Variants in ZNF521 observed in about 807,000 individuals in gnomAD.
ZNF521 encodes zinc finger protein 521.
In ZNF521, 14 loss-of-function variants were observed where a neutral mutation model predicts 105.5. The observed-to-expected ratio is 0.13, with a 90% CI of 0.09 to 0.21. The LOEUF (loss-of-function observed/expected upper bound fraction) is 0.21, where lower values mean the gene tolerates loss of function less well. Ranked by LOEUF, ZNF521 falls within the 10% of genes least tolerant of loss-of-function variation. The pLI is 1.00. For synonymous variants in ZNF521, 635 were observed against 606.0 expected, an observed-to-expected ratio of 1.05 and a Z score of -0.70; for missense variants, 1,233 against 1,629.7, an observed-to-expected ratio of 0.76 and a Z score of 4.19.
chr18:25,184,680 A>C (rs185186950), intron 5 of ZNF521, among the ~76,000 whole-genome samples: 147 of 152,320 alleles, frequency 9.7e-4, no homozygotes, highest in African/African-American at 3.2e-3. Flanking sequence ...CCAGTTTTAA[A>C]AGACTTGATA....
intron 3 of ZNF521, among the ~76,000 whole-genome samples, chr18:25,237,999 CA>C (rs1349432200): frequency 6.6e-6 from 1 of 152,074 alleles, no homozygotes; most frequent in East Asian, 1.9e-4. Context: ...TACAGATGAA[CA>C]AATAGGTCAA....
At chr18:25,156,959 G>A (rs1432584677) in intron 5 of ZNF521, among the ~76,000 whole-genome samples, 1 of 152,134 alleles carries the variant, frequency 6.6e-6, no homozygotes, top group Non-Finnish European at 1.5e-5. Flanking sequence ...AGAACTTTAA[G>A]AGGCCGAGGC....
chr18:25,171,633 T>G (rs1436619448), intron 5 of ZNF521, among the ~76,000 whole-genome samples: 1 of 152,260 alleles, frequency 6.6e-6, no homozygotes, highest in South Asian at 2.1e-4. Context: ...ACTACTGTGC[T>G]TCTGTCTACT....
At chr18:25,068,726 T>C (rs901774459) in intron 7 of ZNF521, among the ~76,000 whole-genome samples, 1 of 152,170 alleles carries the variant, frequency 6.6e-6, no homozygotes, top group Admixed American at 6.5e-5. Flanking sequence ...GAGGCATCCC[T>C]GTAGTGGGCA....
intron 2 of ZNF521, among the ~76,000 whole-genome samples, chr18:25,340,498 T>C (rs1010654887): frequency 3.3e-5 from 5 of 152,226 alleles, no homozygotes; most frequent in African/African-American, 1.2e-4. Context: ...AAACTGCGTT[T>C]GGAAATTTTT....
At position 25,137,891 on chromosome 18, in the gene ZNF521, C is replaced by T. The variant is rs75689168; in HGVS notation, c.3659-45810G>A. 1.6e-4 allele frequency among the ~76,000 whole-genome samples: 24 copies of T among 152,274 alleles called. No homozygotes were observed. The East Asian group carries it at 4.6e-3, about 29-fold the overall frequency. ...AATCCTAAGGCCACCGTTCTTTATG[C>T]AGCACTGTTTTACTAAAAGCAAAAA... On this transcript the variant is annotated intron_variant, in intron 5 of 7. Coordinates refer to ENST00000361524, the MANE Select transcript of ZNF521 (RefSeq NM_015461.3).
chr18:25,155,713 AAAAT>A (rs2035130495), intron 5 of ZNF521, among the ~76,000 whole-genome samples: 4 of 152,276 alleles, frequency 2.6e-5, no homozygotes, highest in Non-Finnish European at 5.9e-5. Flanking sequence ...GTCCTTGTCC[AAAAT>A]TAGTTGTCCA....
chr18:25,194,384 G>A (rs545577691), intron 5 of ZNF521, among the ~76,000 whole-genome samples: 2 of 151,726 alleles, frequency 1.3e-5, no homozygotes, highest in Non-Finnish European at 3.0e-5. Flanking sequence ...AAGTTTAACT[G>A]GCTGGTAAAA....
At chr18:25,241,283 T>TA (rs1907313286) in intron 3 of ZNF521, among the ~76,000 whole-genome samples, 1 of 152,178 alleles carries the variant, frequency 6.6e-6, no homozygotes, top group Non-Finnish European at 1.5e-5. Flanking sequence ...GTCAAGGCAT[T>TA]AAAGACACGA....
At chr18:25,110,771 T>C (rs2034172578) in intron 5 of ZNF521, among the ~76,000 whole-genome samples, 1 of 151,566 alleles carries the variant, frequency 6.6e-6, no homozygotes, top group Admixed American at 6.6e-5. Context: ...TCCCCCTCCT[T>C]TTTTTTTGAG....
At chr18:25,287,445 T>C (rs1910771800) in intron 3 of ZNF521, among the ~76,000 whole-genome samples, 2 of 152,180 alleles carry the variant, frequency 1.3e-5, no homozygotes, top group African/African-American at 4.8e-5. Context: ...ATAAAAAACA[T>C]TATGTGTCCC....
intron 5 of ZNF521, among the ~76,000 whole-genome samples, chr18:25,126,990 G>A (rs2034550417): frequency 6.6e-6 from 1 of 152,030 alleles, no homozygotes; most frequent in Admixed American, 6.6e-5. Flanking sequence ...AACATCATGG[G>A]TTTGTATTAT....
intron 5 of ZNF521, among the ~76,000 whole-genome samples, chr18:25,092,861 T>C (rs2033775678): frequency 2.6e-5 from 4 of 152,212 alleles, no homozygotes; most frequent in Admixed American, 1.3e-4. Context: ...ACATAGACAC[T>C]GTTATTTTAA....
chr18:25,224,233 T>C, intron 4 of ZNF521, 112 bp downstream of exon 4: 2 of 1,015,728 alleles, frequency 2.0e-6, no homozygotes, highest in Admixed American at 2.7e-5. Flanking sequence ...TGCATTTCAA[T>C]CTAAGCATCT....
intron 3 of ZNF521, among the ~76,000 whole-genome samples, chr18:25,279,517 C>T (rs1046006604): frequency 1.3e-5 from 2 of 152,134 alleles, no homozygotes; most frequent in Admixed American, 1.3e-4. Flanking sequence ...GATAACCAGT[C>T]AGGGGAAAAA....
intron 3 of ZNF521, among the ~76,000 whole-genome samples, chr18:25,280,441 G>A (rs1910295099): frequency 6.6e-6 from 1 of 151,606 alleles, no homozygotes; most frequent in Admixed American, 6.6e-5. Context: ...AAAAGAGCAA[G>A]ATTTCTTTCT....
chr18:25,145,877 C>T (rs1016390382), intron 5 of ZNF521, among the ~76,000 whole-genome samples: 8 of 152,102 alleles, frequency 5.3e-5, no homozygotes, highest in African/African-American at 9.7e-5. Context: ...TTCTGGAAAA[C>T]GCTATAGTTC....
At position 25,270,625 on chromosome 18, in the gene ZNF521, C is replaced by T. The variant is rs143964725; in HGVS notation, c.221-42928G>A. 1.3e-3 allele frequency among the ~76,000 whole-genome samples: 193 copies of T among 152,168 alleles called. 2 individuals are homozygous for T. Among genetic ancestry groups the T allele is most frequent in the East Asian group, 4.6e-3 (24 of 5,184 alleles). On this transcript the variant is annotated intron_variant, in intron 3 of 7. Transcript: ENST00000361524. ...TGGGATGCAAGGCTGGTTCAATATA[C>T]GCAAATCAATAAACATAATCCATCA...
chr18:25,113,019 T>TTC (rs1188338485), intron 5 of ZNF521, among the ~76,000 whole-genome samples: 2 of 150,718 alleles, frequency 1.3e-5, no homozygotes. Flanking sequence ...TGTCTAACCT[T>TTC]TTTTTTTTTC....
Sources: gnomAD v4.1 joint callset for allele counts (sites outside exome capture counted in the v4.1 genomes callset) on GRCh38, gnomAD v4.1.1 for gene constraint, MANE v1.5 for transcripts, NCBI Gene and HGNC (gene_info 2026-07-23, HGNC 2026-07-21) for gene names.